The following ANXA8 variants were observed in gnomAD, a reference collection of about 807,000 sequenced individuals.
ANXA8 encodes the protein VAC-beta.
A neutral mutation model predicts 26.8 loss-of-function variants in ANXA8; 9 were observed. The observed-to-expected ratio is 0.34, with a 90% CI of 0.20 to 0.59. ANXA8 has a LOEUF of 0.59. ANXA8 is among the 20% of genes least tolerant of loss of function. The pLI is 0.84. For missense variants in ANXA8, 83 were observed against 238.5 expected, an observed-to-expected ratio of 0.35 and a Z score of 4.29; for synonymous variants, 39 against 94.8, an observed-to-expected ratio of 0.41 and a Z score of 3.42.
the ANXA8 span, among the ~76,000 whole-genome samples, chr10:47,738,473 T>C: frequency 6.7e-6 from 1 of 148,886 alleles, no homozygotes; most frequent in Non-Finnish European, 1.5e-5. Context: ...GGTTAAGGCT[T>C]ACTATTTAAG....
At chr10:47,678,807 G>A in the ANXA8 span, among the ~76,000 whole-genome samples, 49 of 149,932 alleles carry the variant, frequency 3.3e-4, 1 homozygote, top group East Asian at 9.0e-3. Context: ...TTGGGGGGCC[G>A]AGGGGGGTGC....
chr10:47,985,171 G>A, the ANXA8 span, among the ~76,000 whole-genome samples: 53,742 of 148,452 alleles, frequency 0.36, 10,351 homozygotes, highest in South Asian at 0.51. Context: ...GACATGAAGA[G>A]ACATTTCATG....
the ANXA8 span, among the ~76,000 whole-genome samples, chr10:47,673,662 T>TC: frequency 6.6e-6 from 1 of 151,880 alleles, no homozygotes; most frequent in Non-Finnish European, 1.5e-5. Flanking sequence ...AGCTTTTTTT[T>TC]CTTTCTTTTT....
chr10:47,940,413 C>A, the ANXA8 span, among the ~76,000 whole-genome samples: 45 of 147,320 alleles, frequency 3.1e-4, no homozygotes, highest in Admixed American at 1.4e-3. Context: ...ACCTTCCCCA[C>A]GATGCAGCCA....
At chr10:47,671,212 C>G in the ANXA8 span, among the ~76,000 whole-genome samples, 1 of 151,870 alleles carries the variant, frequency 6.6e-6, no homozygotes, top group Non-Finnish European at 1.5e-5. Flanking sequence ...CACTTGAGCT[C>G]AGGAGTTTGA....
chr10:47,487,193 A>C (rs1840063625), upstream of ANXA8: 1 of 774,090 alleles, frequency 1.3e-6, no homozygotes, highest in African/African-American at 1.7e-5. Context: ...TTTCCATCCA[A>C]ATGGGAATAA....
the ANXA8 span, among the ~76,000 whole-genome samples, chr10:47,604,674 TA>T: frequency 1.3e-5 from 2 of 151,476 alleles, no homozygotes; most frequent in African/African-American, 4.8e-5. Flanking sequence ...AGTGGAAAAA[TA>T]TTTTTTCATT....
chr10:47,521,500 T>A, the ANXA8 span, among the ~76,000 whole-genome samples: 3 of 140,388 alleles, frequency 2.1e-5, no homozygotes, highest in African/African-American at 8.0e-5. Context: ...CAACCAAAGT[T>A]TAAATAGAAG....
the ANXA8 span, among the ~76,000 whole-genome samples, chr10:47,553,900 T>C: frequency 1.3e-5 from 2 of 149,138 alleles, no homozygotes; most frequent in Admixed American, 6.7e-5. Context: ...GCGAATGGAC[T>C]ATGGCTGGAT....
chr10:47,928,738 TTCTCTCTC>T, the ANXA8 span, among the ~76,000 whole-genome samples: 62 of 94,430 alleles, frequency 6.6e-4, no homozygotes, highest in Non-Finnish European at 1.0e-3. Flanking sequence ...TCTAGCCTCT[TTCTCTCTC>T]TCTCTTTTTT....
the ANXA8 span, among the ~76,000 whole-genome samples, chr10:47,733,221 CTCTTTCTT>C: frequency 5.2e-5 from 3 of 58,186 alleles, no homozygotes; most frequent in African/African-American, 1.9e-4. Context: ...TTCTTTCTTT[CTCTTTCTT>C]TCTCTCTTTC....
the ANXA8 span, among the ~76,000 whole-genome samples, chr10:47,604,878 A>G: frequency 6.6e-6 from 1 of 151,018 alleles, no homozygotes; most frequent in Non-Finnish European, 1.5e-5. Flanking sequence ...AACATTCTAT[A>G]GAATGCAACA....
the ANXA8 span, among the ~76,000 whole-genome samples, chr10:47,671,581 T>G: frequency 2.0e-5 from 3 of 151,862 alleles, no homozygotes; most frequent in Non-Finnish European, 2.9e-5. Context: ...TTTCGTGAAT[T>G]ATTTTCATTA....
At chr10:47,552,856 G>A in the ANXA8 span, among the ~76,000 whole-genome samples, 1 of 151,848 alleles carries the variant, frequency 6.6e-6, no homozygotes, top group South Asian at 2.1e-4. Flanking sequence ...AATGGATATA[G>A]CTATGGTCTG....
chr10:47,563,656 T>C, the ANXA8 span: 1 of 846,298 alleles, frequency 1.2e-6, no homozygotes, highest in Non-Finnish European at 2.1e-6. Flanking sequence ...CTTTGGCTTC[T>C]CTGATGACAT....
At chr10:47,959,026 G>A in the ANXA8 span, among the ~76,000 whole-genome samples, 1 of 149,910 alleles carries the variant, frequency 6.7e-6, no homozygotes, top group Non-Finnish European at 1.5e-5. Flanking sequence ...GAAGGGTGAG[G>A]GCTGGGGGAG....
Position 47,474,926 on chromosome 10 carries a change from C to T in ANXA8, c.552+19G>A, listed in dbSNP as rs1421490710. ...ATGGCAGGGGGTGGGGCCACATGGC[C>T]GGCTGGGCGCAGCCTCACCTGTGCG... On this transcript the variant is annotated intron_variant, in intron 7 of 11. Transcript: ENST00000585281. 23 of 1,532,842 alleles carry T rather than the reference C, an allele frequency of 1.5e-5. 3 individuals carry two copies. Among genetic ancestry groups the T allele is most frequent in the South Asian group, 4.6e-5 (4 of 86,390 alleles). The allele number at this position is 1,532,842 out of a possible 1,614,324, so 95.0% of individuals were successfully genotyped here.
At chr10:47,592,989 G>A in the ANXA8 span, among the ~76,000 whole-genome samples, 1 of 139,208 alleles carries the variant, frequency 7.2e-6, no homozygotes, top group Non-Finnish European at 1.5e-5. Flanking sequence ...GTCTGTGGGA[G>A]ATCTGCTGGG....
the ANXA8 span, among the ~76,000 whole-genome samples, chr10:47,735,681 C>G: frequency 2.0e-4 from 31 of 151,370 alleles, no homozygotes; most frequent in African/African-American, 5.4e-4. Flanking sequence ...TTCTGTTAAC[C>G]AGGTTGGAGT....
Sources: allele counts gnomAD v4.1 joint callset (sites outside exome capture counted in the v4.1 genomes callset), GRCh38; gene constraint gnomAD v4.1.1; transcripts MANE v1.5; gene names NCBI Gene and HGNC (gene_info 2026-07-23, HGNC 2026-07-21).